Variants in COL11A1 observed in about 807,000 individuals in gnomAD.
COL11A1 encodes collagen alpha-1(XI) chain.
In COL11A1, 74 loss-of-function variants were observed where a neutral mutation model predicts 265.2. The observed-to-expected ratio is 0.28, with a 90% CI of 0.23 to 0.34. The LOEUF (loss-of-function observed/expected upper bound fraction) is 0.34, where lower values mean the gene tolerates loss of function less well. Among genes scored for constraint, COL11A1 ranks in the 10% least tolerant of loss-of-function variants. COL11A1 has a pLI of 1.00. For synonymous variants in COL11A1, 816 were observed against 727.6 expected, an observed-to-expected ratio of 1.12 and a Z score of -1.96; for missense variants, 2,165 against 2,263.6, an observed-to-expected ratio of 0.96 and a Z score of 0.88.
chr1:102,927,414 TA>T (rs911236464), intron 46 of COL11A1, among the ~76,000 whole-genome samples: 2 of 151,618 alleles, frequency 1.3e-5, no homozygotes, highest in Non-Finnish European at 2.9e-5. Context: ...AAGCGGAAGG[TA>T]AAAAAACAAG....
intron 4 of COL11A1, among the ~76,000 whole-genome samples, chr1:103,059,418 A>G (rs1670488668): frequency 6.6e-6 from 1 of 152,150 alleles, no homozygotes; most frequent in African/African-American, 2.4e-5. Flanking sequence ...TTATTAAAAA[A>G]AAACAAAACA....
At chr1:102,896,965 C>T (rs1267247068) in intron 57 of COL11A1, among the ~76,000 whole-genome samples, 3 of 152,038 alleles carry the variant, frequency 2.0e-5, no homozygotes, top group Non-Finnish European at 4.4e-5. Flanking sequence ...TGGAGCTGAT[C>T]CTGCTTCAAC....
At chr1:103,082,064 C>T (rs1390907716) in intron 2 of COL11A1, among the ~76,000 whole-genome samples, 1 of 151,922 alleles carries the variant, frequency 6.6e-6, no homozygotes, top group Non-Finnish European at 1.5e-5. Context: ...TTTCACCACT[C>T]AATTCCCTTT....
At chr1:102,946,739 A>C (rs1316775712) in intron 42 of COL11A1, 110 bp downstream of exon 42, 32 of 848,752 alleles carry the variant, frequency 3.8e-5, no homozygotes, top group Non-Finnish European at 5.9e-5. Flanking sequence ...CATGCCAGAC[A>C]CATATGCAGA....
chr1:102,998,892 G>C lies in COL11A1; in HGVS notation c.2143-529C>G, dbSNP rs554213478. On this transcript the variant is annotated intron_variant, in intron 24 of 66. Coordinates refer to ENST00000370096, the MANE Select transcript of COL11A1 (RefSeq NM_001854.4). Reference sequence around the variant, plus strand: ...AATGTAAAAAGAACATATCCTAATAGGTACCCAATAAGATAATAATAAAGT... The same window carrying C: ...AATGTAAAAAGAACATATCCTAATACGTACCCAATAAGATAATAATAAAGT... Among the ~76,000 whole-genome samples the C allele has an allele frequency of 1.2e-4, 18 of 151,862 alleles. No individual in the cohort carries two copies. In the East Asian group the frequency reaches 3.5e-3, roughly 29 times the overall value.
At chr1:102,888,494 G>A (rs1651296320) in intron 62 of COL11A1, 83 bp downstream of exon 62, 3 of 1,329,294 alleles carry the variant, frequency 2.3e-6, no homozygotes, top group Admixed American at 3.5e-5. Context: ...TGTGCTTTTT[G>A]TCTATCTTAT....
chr1:103,081,674 C>G (rs958012861), intron 2 of COL11A1, among the ~76,000 whole-genome samples: 2 of 151,598 alleles, frequency 1.3e-5, no homozygotes, highest in Non-Finnish European at 2.9e-5. Context: ...GTTTTAATCC[C>G]TTGATTTATA....
intron 41 of COL11A1, among the ~76,000 whole-genome samples, chr1:102,948,979 A>C (rs1318728276): frequency 2.0e-5 from 3 of 152,034 alleles, no homozygotes; most frequent in Non-Finnish European, 2.9e-5. Context: ...GGAAGAAAAA[A>C]GTATAGGAGG....
chr1:103,049,663 GC>G (rs1359692260), intron 4 of COL11A1, among the ~76,000 whole-genome samples: 5 of 152,238 alleles, frequency 3.3e-5, no homozygotes, highest in African/African-American at 1.2e-4. Context: ...TGGCTATTTT[GC>G]TCATTAGTTG....
At chr1:103,006,525 C>CCTTTTTTT (rs1557935689) in intron 15 of COL11A1, among the ~76,000 whole-genome samples, 1 of 76,208 alleles carries the variant, frequency 1.3e-5, no homozygotes, top group African/African-American at 3.5e-5. Context: ...TAAATGGCTC[C>CCTTTTTTT]ATTTTTTTTT....
intron 37 of COL11A1, among the ~76,000 whole-genome samples, chr1:102,967,258 T>TTTTTTTA: frequency 8.1e-6 from 1 of 123,412 alleles, no homozygotes; most frequent in Non-Finnish European, 1.7e-5. Flanking sequence ...TTTTTTTTTT[T>TTTTTTTA]GAGACGGAGT....
chr1:102,938,974 T>C, intron 44 of COL11A1, 61 bp downstream of exon 44: 2 of 1,439,862 alleles, frequency 1.4e-6, no homozygotes, highest in African/African-American at 2.8e-5. Context: ...AAAATATCAA[T>C]GGTAAACAGT....
intron 28 of COL11A1, among the ~76,000 whole-genome samples, chr1:102,995,219 TA>T (rs1664510261): frequency 6.6e-6 from 1 of 152,104 alleles, no homozygotes; most frequent in South Asian, 2.1e-4. Context: ...GCAGGCCTGC[TA>T]AATGTATCCT....
At chr1:103,038,085 T>C (rs1328094141) in intron 4 of COL11A1, among the ~76,000 whole-genome samples, 4 of 152,116 alleles carry the variant, frequency 2.6e-5, no homozygotes, top group South Asian at 4.1e-4. Context: ...GGAGTTAGCC[T>C]AATGAAGGGG....
chr1:103,042,399 G>C (rs1281409014), intron 4 of COL11A1, among the ~76,000 whole-genome samples: 2 of 152,028 alleles, frequency 1.3e-5, no homozygotes, highest in Non-Finnish European at 2.9e-5. Flanking sequence ...ATGTGAAAGT[G>C]GTCAGTTTTT....
At chr1:103,049,289 T>TGG (rs1331136262) in intron 4 of COL11A1, among the ~76,000 whole-genome samples, 1 of 152,192 alleles carries the variant, frequency 6.6e-6, no homozygotes, top group Non-Finnish European at 1.5e-5. Flanking sequence ...GCTCCTGTAT[T>TGG]GGGTGCATAT....
chr1:103,078,076 C>T (rs1436881679), intron 3 of COL11A1, among the ~76,000 whole-genome samples: 5 of 152,076 alleles, frequency 3.3e-5, no homozygotes. Flanking sequence ...TTCTTCTGCT[C>T]AAAAAGCCTC....
At chr1:102,940,571 G>GTTCC in intron 42 of COL11A1, 137 bp from the exon 43 acceptor site, 1 of 664,790 alleles carries the variant, frequency 1.5e-6, no homozygotes, top group Non-Finnish European at 2.6e-6. Context: ...AATGATACAT[G>GTTCC]TTCCCTACCT....
intron 4 of COL11A1, among the ~76,000 whole-genome samples, chr1:103,067,826 A>G (rs532845089): frequency 1.3e-5 from 2 of 151,840 alleles, no homozygotes; most frequent in South Asian, 2.1e-4. Flanking sequence ...ACAGCTTTAT[A>G]TGAACAAATC....
Sources: gnomAD v4.1 joint callset for allele counts (sites outside exome capture counted in the v4.1 genomes callset) on GRCh38, gnomAD v4.1.1 for gene constraint, MANE v1.5 for transcripts, NCBI Gene and HGNC (gene_info 2026-07-23, HGNC 2026-07-21) for gene names.